The following HECTD4 variants were observed in gnomAD, a reference collection of about 807,000 sequenced individuals.
The protein encoded by HECTD4 is HECT domain E3 ubiquitin protein ligase 4, also known as probable E3 ubiquitin-protein ligase HECTD4.
HECTD4 carries 114 observed loss-of-function variants against 471.5 expected under a neutral mutation model. The ratio of observed to expected loss-of-function variants is 0.24; its 90% CI spans 0.21 to 0.28. HECTD4 has a LOEUF of 0.28. HECTD4 is among the 10% of genes least tolerant of loss of function. HECTD4 has a pLI of 1.00. For missense variants in HECTD4, 3,866 were observed against 5,651.5 expected (o/e 0.68, Z 10.13); for synonymous variants, 2,012 against 2,256.0 (o/e 0.89, Z 3.07).
In HECTD4 at chr12:112,346,077, A is replaced by G. The variant is rs998597144; in HGVS notation, c.178-26335T>C. On this transcript the variant is annotated intron_variant, in intron 1 of 75. Transcript: ENST00000682272. ...AGTCCTTAACCTGGAAAACCACAGC[A>G]TGAGGTAGCTAAGGAGTGCGACTGC... Among the ~76,000 whole-genome samples, 10 of 152,354 alleles carry G rather than the reference A, an allele frequency of 6.6e-5. No homozygotes were observed. The East Asian group carries it at 1.3e-3, about 21-fold the overall frequency.
rs2032941800 is a variant in HECTD4, at chr12:112,217,181, A to G, written c.7089T>C (p.Thr2363=). The G allele has an allele frequency of 5.9e-6, 9 of 1,521,502 alleles. No homozygotes were observed. The highest frequency in any genetic ancestry group is 1.4e-5 in the African/African-American group (1 of 72,068). 94.3% of individuals were successfully genotyped at this position (1,521,502 alleles called of 1,614,324 possible). Reference sequence around the variant, plus strand: ...GCGGAAACACTCGCGAGGGGCTCCAAGTAATCTCTTTGGGCTGCATCAGGG... The same window carrying G: ...GCGGAAACACTCGCGAGGGGCTCCAGGTAATCTCTTTGGGCTGCATCAGGG... ...QADRRQPKEI[T]WSPSRVFPPV... Residue 2363 remains threonine (T), a synonymous_variant, in exon 46 of 76, where the codon ACT becomes ACC. Coordinates refer to ENST00000682272, the MANE Select transcript of HECTD4 (RefSeq NM_001388303.1).
intron 7 of HECTD4, chr12:112,301,761 G>T: frequency 4.0e-6 from 2 of 496,778 alleles, no homozygotes; most frequent in South Asian, 2.3e-5. Context: ...AGAGCAGTTG[G>T]TGCTTATGTG....
At position 112,267,209 on chromosome 12, in the gene HECTD4, C is replaced by T. The variant is rs11066223; in HGVS notation, c.2322-227G>A. On this transcript the variant is annotated intron_variant, in intron 13 of 75. Coordinates refer to ENST00000682272, the MANE Select transcript of HECTD4 (RefSeq NM_001388303.1). ...CATGTGCGTCCCTCCCGAAGCTGCG[C>T]GCTCGGTCGAAGAGGACGACCATCC... 32,109 of 512,772 alleles carry T rather than the reference C, an allele frequency of 0.063. 6,852 individuals are homozygous for T. In the East Asian group the frequency reaches 0.64, roughly 10 times the overall value. The allele number at this position is 512,772 out of a possible 1,614,324, so 31.8% of individuals were successfully genotyped here. A position where few individuals can be genotyped will look rare whatever the true frequency, so the allele number is the denominator to read the frequency against.
At chr12:112,212,713 G>T in intron 48 of HECTD4, 63 bp from the exon 49 acceptor site, 1 of 1,428,588 alleles carries the variant, frequency 7.0e-7, no homozygotes, top group Admixed American at 2.3e-5. Context: ...TTTTAAATTT[G>T]CAACCGGAGT....
At chr12:112,200,927 CT>C in intron 54 of HECTD4, 129 bp from the exon 55 acceptor site, 1 of 787,790 alleles carries the variant, frequency 1.3e-6, no homozygotes, top group Non-Finnish European at 2.0e-6. Context: ...TCAGTCCAGG[CT>C]TTTAGGTATT....
intron 55 of HECTD4, among the ~76,000 whole-genome samples, chr12:112,196,423 T>C (rs974270213): frequency 2.0e-5 from 3 of 152,184 alleles, no homozygotes; most frequent in Non-Finnish European, 4.4e-5. Context: ...ACACTTCTCC[T>C]GTCTCCTCCC....
chr12:112,171,205 T>C lies in HECTD4; in HGVS notation c.11844A>G (p.Thr3948=). The change falls in exon 68 of 76, where the codon ACA becomes ACG. Residue 3948 remains threonine, a synonymous_variant. Coordinates refer to ENST00000682272, the MANE Select transcript of HECTD4 (RefSeq NM_001388303.1). ...RFALLQSLNT[T]LETFFLPLVE... ...CCAGGGGCAGGAAGAAGGTCTCCAG[T>C]GTGGTGTTGAGGGACTGCAGCAAGG... 6.2e-7 allele frequency: 1 copy of C among 1,612,852 alleles called. No homozygotes were observed. The highest frequency in any genetic ancestry group is 8.5e-7 in the Non-Finnish European group (1 of 1,179,574).
intron 43 of HECTD4, 131 bp from the exon 44 acceptor site, chr12:112,226,889 G>C (rs2033253216): frequency 1.8e-6 from 1 of 569,620 alleles, no homozygotes; most frequent in Non-Finnish European, 3.1e-6. Flanking sequence ...CACTCATCTT[G>C]CTTTTTTTTT....
intron 64 of HECTD4, among the ~76,000 whole-genome samples, chr12:112,177,646 C>T (rs2031502291): frequency 1.3e-5 from 2 of 152,180 alleles, no homozygotes; most frequent in South Asian, 4.1e-4. Context: ...TCCCAAAGTG[C>T]TGGGATTATA....
At chr12:112,302,442 G>C in intron 7 of HECTD4, 1 of 753,534 alleles carries the variant, frequency 1.3e-6, no homozygotes, top group Non-Finnish European at 2.4e-6. Flanking sequence ...ATAGCAGGAG[G>C]CACTTTCAGC....
intron 1 of HECTD4, among the ~76,000 whole-genome samples, chr12:112,371,114 C>G (rs1464114046): frequency 6.6e-6 from 1 of 152,016 alleles, no homozygotes; most frequent in Non-Finnish European, 1.5e-5. Context: ...CCCAGCAGCT[C>G]GAGCCAACAG....
At chr12:112,262,819 GT>G (rs2034180163) in intron 17 of HECTD4, among the ~76,000 whole-genome samples, 1 of 152,088 alleles carries the variant, frequency 6.6e-6, no homozygotes, top group African/African-American at 2.4e-5. Flanking sequence ...GTTTCACCAT[GT>G]TGGCCAGGCT....
chr12:112,162,320 A>G lies in HECTD4; in HGVS notation c.*67T>C. 4 of 1,599,976 alleles carry G rather than the reference A, an allele frequency of 2.5e-6. No individual in the cohort carries two copies. The highest frequency in any genetic ancestry group is 3.4e-6 in the Non-Finnish European group (4 of 1,168,964). Reference sequence around the variant, plus strand: ...GCAGGGCCCTGGAGGGACGGGCCGCAGTGGTGGCTTCCCAAGCCAGCAGAG... The same window carrying G: ...GCAGGGCCCTGGAGGGACGGGCCGCGGTGGTGGCTTCCCAAGCCAGCAGAG... On this transcript the variant is annotated 3_prime_UTR_variant, in exon 76 of 76. Coordinates refer to ENST00000682272, the MANE Select transcript of HECTD4 (RefSeq NM_001388303.1). The surrounding 1 kb of genome is among the most constrained non-coding windows in gnomAD (Gnocchi z 5.2).
In HECTD4 at chr12:112,182,384, T is replaced by TA. The variant is rs11290669; in HGVS notation, c.10987+674dup. 4.2e-3 allele frequency among the ~76,000 whole-genome samples: 548 copies of TA among 130,444 alleles called. 2 individuals carry two copies. The highest frequency in any genetic ancestry group is 0.013 in the African/African-American group (461 of 36,720). The allele number at this position is 130,444 out of a possible 152,430, so 85.6% of individuals were successfully genotyped here. A position where few individuals can be genotyped will look rare whatever the true frequency, so the allele number is the denominator to read the frequency against. Reference sequence around the variant, plus strand: ...ATTAAAAAAGGAAAAAAAGAGGAATTAAAAAAAAAAAAAAGAAATTAGTGG... The same window carrying TA: ...ATTAAAAAAGGAAAAAAAGAGGAATTAAAAAAAAAAAAAAAGAAATTAGTGG... On this transcript the variant is annotated intron_variant, in intron 62 of 75. Transcript: ENST00000682272.
intron 60 of HECTD4, among the ~76,000 whole-genome samples, chr12:112,189,725 T>C (rs1268559275): frequency 6.6e-6 from 1 of 152,052 alleles, no homozygotes; most frequent in Non-Finnish European, 1.5e-5. Context: ...GTTTGAACCC[T>C]GAAGGCACTG....
chr12:112,286,538 C>T (rs1314691414), intron 7 of HECTD4, among the ~76,000 whole-genome samples: 1 of 152,018 alleles, frequency 6.6e-6, no homozygotes, highest in African/African-American at 2.4e-5. Flanking sequence ...CATACACACA[C>T]AAAATTATCC....
At position 112,261,336 on chromosome 12, in the gene HECTD4, T is replaced by G; in HGVS notation, c.2842A>C (p.Ile948Leu). The G allele has an allele frequency of 6.2e-7, 1 of 1,609,044 alleles. No individual in the cohort carries two copies. Among genetic ancestry groups the G allele is most frequent in the African/African-American group, 1.3e-5 (1 of 75,036 alleles). Residue 948 changes from isoleucine to leucine, a missense_variant, in exon 18 of 76, where the codon ATA becomes CTA. By Grantham distance (5) the Ile-to-Leu change is conservative. Transcript: ENST00000682272. ...EMLQQVTTALINSDIADREQR... is the reference protein window; with the variant it reads ...EMLQQVTTALLNSDIADREQR... ...TCACGGTCTGCTATGTCACTATTTA[T>G]GAGGGCAGTTGTGACCTGCTGTAGC... is the stretch of plus-strand genomic sequence containing the variant.
intron 6 of HECTD4, among the ~76,000 whole-genome samples, chr12:112,306,931 C>A: frequency 6.6e-6 from 1 of 152,152 alleles, no homozygotes; most frequent in East Asian, 1.9e-4. Context: ...ACTAAACATC[C>A]TTCTGTTTCA....
At chr12:112,198,894 G>A (rs1467608528) in intron 55 of HECTD4, among the ~76,000 whole-genome samples, 2 of 152,104 alleles carry the variant, frequency 1.3e-5, no homozygotes, top group Non-Finnish European at 2.9e-5. Context: ...TCACAGGCAA[G>A]CTGTGTCTAA....
Sources: gnomAD v4.1 joint callset for allele counts (sites outside exome capture counted in the v4.1 genomes callset) on GRCh38, gnomAD v4.1.1 for gene constraint, Gnocchi (gnomAD v3.1) non-coding constraint, MANE v1.5 for transcripts, NCBI Gene and HGNC (gene_info 2026-07-23, HGNC 2026-07-21) for gene names.